STARD13: variants seen among roughly 807,000 people sequenced by gnomAD.
The protein encoded by STARD13 is stAR-related lipid transfer protein 13.
In STARD13, 62 loss-of-function variants were observed where a neutral mutation model predicts 106.4. That is an observed-to-expected ratio of 0.58 (90% CI 0.48 to 0.72). The LOEUF is 0.72. STARD13 is among the 30% of genes least tolerant of loss of function. The probability of loss-of-function intolerance (pLI) is 0.00; values close to 1 mark genes in which losing one functional copy is unlikely to be tolerated. For synonymous variants in STARD13, 565 were observed against 553.0 expected (o/e 1.02, Z -0.31); for missense variants, 1,387 against 1,424.0 (o/e 0.97, Z 0.42).
At position 33,291,821 on chromosome 13, in the gene STARD13, T is replaced by C. The variant is rs1169680864; in HGVS notation, c.124+58469A>G. On this transcript the variant is annotated intron_variant, in intron 1 of 5. Coordinates refer to the STARD13 transcript ENST00000567873. ...ATAAGCACATATATTAGATCATATA[T>C]ATCTAAGTGCATAAATAGCTGGATG... Among the ~76,000 whole-genome samples the C allele has an allele frequency of 4.3e-4, 65 of 152,204 alleles. 1 individual carries two copies. The highest frequency in any genetic ancestry group is 3.9e-3 in the Admixed American group (59 of 15,282).
At chr13:33,510,310 G>A in the STARD13 span, among the ~76,000 whole-genome samples, 1 of 152,144 alleles carries the variant, frequency 6.6e-6, no homozygotes, top group African/African-American at 2.4e-5. Context: ...ATTTTTTCTG[G>A]TAGAGGTATA....
At chr13:33,499,582 C>CT in the STARD13 span, among the ~76,000 whole-genome samples, 7 of 69,806 alleles carry the variant, frequency 1.0e-4, no homozygotes, top group South Asian at 1.1e-3. Flanking sequence ...TCTTCTTCTT[C>CT]TTCTTCTTCT....
the STARD13 span, among the ~76,000 whole-genome samples, chr13:33,637,949 T>TA: frequency 3.3e-5 from 5 of 152,208 alleles, no homozygotes; most frequent in African/African-American, 4.8e-5. Context: ...ATTAACAGGT[T>TA]AAAAAAATTC....
chr13:33,540,224 T>G, the STARD13 span, among the ~76,000 whole-genome samples: 1 of 152,218 alleles, frequency 6.6e-6, no homozygotes, highest in East Asian at 1.9e-4. Flanking sequence ...ATTTCACAGA[T>G]AGAAGACTGA....
At chr13:33,617,926 T>C in the STARD13 span, among the ~76,000 whole-genome samples, 1 of 152,212 alleles carries the variant, frequency 6.6e-6, no homozygotes, top group Admixed American at 6.5e-5. Flanking sequence ...TTGGCATAGG[T>C]GGTCCTATTT....
chr13:33,504,698 T>C, the STARD13 span, among the ~76,000 whole-genome samples: 1 of 152,036 alleles, frequency 6.6e-6, no homozygotes, highest in Admixed American at 6.6e-5. Context: ...GGCACATGTA[T>C]ACCTATGTAA....
At chr13:33,374,704 G>A in the STARD13 span, among the ~76,000 whole-genome samples, 13 of 152,102 alleles carry the variant, frequency 8.5e-5, no homozygotes, top group Non-Finnish European at 1.6e-4. Context: ...TAGAGATGGT[G>A]GGGGCAGGTA....
chr13:33,378,510 G>T, the STARD13 span, among the ~76,000 whole-genome samples: 1 of 152,208 alleles, frequency 6.6e-6, no homozygotes, highest in African/African-American at 2.4e-5. Context: ...GCCAGGCGTG[G>T]TCGGGCGCAG....
At position 33,307,288 on chromosome 13, in the gene STARD13, G is replaced by A. The variant is rs144152598; in HGVS notation, c.124+43002C>T. Among the ~76,000 whole-genome samples, 506 of 152,246 alleles carry A rather than the reference G, an allele frequency of 3.3e-3. 4 individuals are homozygous for A. The highest frequency in any genetic ancestry group is 9.5e-3 in the African/African-American group (395 of 41,530). On this transcript the variant is annotated intron_variant, in intron 1 of 5. Coordinates refer to the STARD13 transcript ENST00000567873. ...CTAAAAGCAGAACTACCATTTGACCGAGCAATCCCATTACTAGGTTATATA... is the reference window on the plus strand; with the variant it reads ...CTAAAAGCAGAACTACCATTTGACCAAGCAATCCCATTACTAGGTTATATA...
intron 8 of STARD13, among the ~76,000 whole-genome samples, chr13:33,116,880 G>C (rs551612344): frequency 3.2e-4 from 49 of 152,276 alleles, no homozygotes; most frequent in Admixed American, 8.5e-4. Flanking sequence ...TGAGTTTGCA[G>C]TATCATGGAC....
intron 4 of STARD13, among the ~76,000 whole-genome samples, chr13:33,133,972 A>AT (rs11454155): frequency 0.3 from 45,274 of 152,138 alleles, 8,060 homozygotes; most frequent in Non-Finnish European, 0.41. Context: ...TTAACAATGA[A>AT]TAGTTTGTGA....
chr13:33,359,254 C>T, the STARD13 span, among the ~76,000 whole-genome samples: 1 of 152,120 alleles, frequency 6.6e-6, no homozygotes, highest in Non-Finnish European at 1.5e-5. Context: ...CAGCTTCACT[C>T]CTGAGCCCAG....
At chr13:33,379,508 A>C in the STARD13 span, among the ~76,000 whole-genome samples, 1 of 152,228 alleles carries the variant, frequency 6.6e-6, no homozygotes, top group Non-Finnish European at 1.5e-5. Context: ...AATAGGACTT[A>C]GAAGGGTAGG....
intron 1 of STARD13, 22 bp downstream of exon 1, chr13:33,285,448 C>A (rs201957444): frequency 6.2e-7 from 1 of 1,606,890 alleles, no homozygotes; most frequent in African/African-American, 1.3e-5. Context: ...TGAGCAACAG[C>A]CTTCCACTGC....
At chr13:33,635,137 T>C in the STARD13 span, among the ~76,000 whole-genome samples, 1 of 152,274 alleles carries the variant, frequency 6.6e-6, no homozygotes, top group Non-Finnish European at 1.5e-5. Context: ...AGAAAATGCT[T>C]CCCTAGGCTC....
chr13:33,561,762 G>C, the STARD13 span, among the ~76,000 whole-genome samples: 2 of 146,710 alleles, frequency 1.4e-5, 1 homozygote, highest in Admixed American at 1.4e-4. Flanking sequence ...GTACAGCACA[G>C]AGATAATTTA....
At chr13:33,382,391 A>G in the STARD13 span, among the ~76,000 whole-genome samples, 2 of 151,410 alleles carry the variant, frequency 1.3e-5, no homozygotes, top group Admixed American at 6.6e-5. Flanking sequence ...CCCTCCCCAC[A>G]CTGGGCAGAT....
chr13:33,222,673 A>G (rs2138182940), intron 1 of STARD13, among the ~76,000 whole-genome samples: 1 of 152,234 alleles, frequency 6.6e-6, no homozygotes, highest in South Asian at 2.1e-4. Flanking sequence ...CTGGGTTTCC[A>G]TTTTTCTTTT....
At chr13:33,168,347 T>C (rs1883569452) in intron 1 of STARD13, among the ~76,000 whole-genome samples, 1 of 152,144 alleles carries the variant, frequency 6.6e-6, no homozygotes, top group Non-Finnish European at 1.5e-5. Flanking sequence ...ATATGTCCCT[T>C]GGGTGACCAT....
Sources: gnomAD v4.1 joint callset for allele counts (sites outside exome capture counted in the v4.1 genomes callset) on GRCh38, gnomAD v4.1.1 for gene constraint, MANE v1.5 for transcripts, NCBI Gene and HGNC (gene_info 2026-07-23, HGNC 2026-07-21) for gene names.